Variants in C8orf88 observed in about 807,000 individuals in gnomAD.
C8orf88 encodes the protein uncharacterized protein C8orf88.
A neutral mutation model predicts 18.4 loss-of-function variants in C8orf88; 14 were observed. That is an observed-to-expected ratio of 0.76 (90% confidence interval 0.50 to 1.19). C8orf88 has a LOEUF of 1.19. Ranked by LOEUF, C8orf88 falls within the 50% of genes most tolerant of loss-of-function variation. The pLI is 0.00. For missense variants in C8orf88, 116 were observed against 134.7 expected (o/e 0.86, Z 0.69); for synonymous variants, 45 against 42.9 (o/e 1.05, Z -0.19).
At chr8:90,976,558 A>G (rs1381035799) in intron 3 of C8orf88, among the ~76,000 whole-genome samples, 1 of 152,126 alleles carries the variant, frequency 6.6e-6, no homozygotes. Context: ...TATGACTTAT[A>G]GAAAACTCAT....
At chr8:90,960,396 TAG>T (rs1459200461) in intron 5 of C8orf88, among the ~76,000 whole-genome samples, 1 of 151,406 alleles carries the variant, frequency 6.6e-6, no homozygotes, top group Non-Finnish European at 1.5e-5. Context: ...GATATCTATG[TAG>T]AAAAAGGTAA....
chr8:90,979,533 T>C (rs565936473), intron 2 of C8orf88, among the ~76,000 whole-genome samples: 14 of 152,326 alleles, frequency 9.2e-5, no homozygotes, highest in South Asian at 4.1e-4. Context: ...ATCATCTTCC[T>C]TGAAGGATCC....
intron 1 of C8orf88, among the ~76,000 whole-genome samples, chr8:90,981,014 C>A (rs1445574226): frequency 6.6e-6 from 1 of 152,156 alleles, no homozygotes; most frequent in East Asian, 1.9e-4. Flanking sequence ...TTAGCTAAAA[C>A]TCATCTATGC....
intron 4 of C8orf88, among the ~76,000 whole-genome samples, chr8:90,968,376 C>G (rs1811234132): frequency 6.6e-6 from 1 of 151,448 alleles, no homozygotes; most frequent in Non-Finnish European, 1.5e-5. Context: ...TGGATACCCA[C>G]ATGACAAACA....
At chr8:90,978,465 G>T in intron 3 of C8orf88, 114 bp downstream of exon 3, 1 of 476,388 alleles carries the variant, frequency 2.1e-6, no homozygotes, top group Non-Finnish European at 3.5e-6. Context: ...TTTAACATAT[G>T]TACATAAATT....
At chr8:90,962,715 A>C (rs1811146681) in intron 4 of C8orf88, among the ~76,000 whole-genome samples, 1 of 151,578 alleles carries the variant, frequency 6.6e-6, no homozygotes, top group African/African-American at 2.4e-5. Flanking sequence ...CCTTTCTTAT[A>C]GTTCCCTGAG....
chr8:90,968,103 C>G (rs1433247245), intron 4 of C8orf88, among the ~76,000 whole-genome samples: 1 of 151,530 alleles, frequency 6.6e-6, no homozygotes. Context: ...TGCAAAGACC[C>G]CTAAACAGCC....
intron 5 of C8orf88, among the ~76,000 whole-genome samples, chr8:90,960,340 A>C (rs1811107569): frequency 6.6e-6 from 1 of 151,500 alleles, no homozygotes; most frequent in Non-Finnish European, 1.5e-5. Context: ...ATTGCCACAA[A>C]GATGTCAGAG....
intron 3 of C8orf88, among the ~76,000 whole-genome samples, chr8:90,975,840 T>G (rs1424999932): frequency 6.6e-6 from 1 of 151,952 alleles, no homozygotes; most frequent in Admixed American, 6.6e-5. Context: ...GTAGCATTAT[T>G]TATAATATCT....
At chr8:90,963,874 G>A (rs1241900181) in intron 4 of C8orf88, among the ~76,000 whole-genome samples, 1 of 151,226 alleles carries the variant, frequency 6.6e-6, no homozygotes, top group Non-Finnish European at 1.5e-5. Context: ...GGAGAAGAGA[G>A]AGAAAAAGGA....
At chr8:90,964,891 C>A (rs117456583) in intron 4 of C8orf88, among the ~76,000 whole-genome samples, 2,487 of 150,740 alleles carry the variant, frequency 0.016, 35 homozygotes, top group Middle Eastern at 0.032. Context: ...TATAGTAAAG[C>A]AAACTAAAAG....
Position 90,958,786 on chromosome 8 carries a change from C to A in C8orf88, c.*221G>T. ...CTTCACTAACCAAATTCCTACTTTC[C>A]AGTGTTACTTCCCAATTTATGCAGG... is the stretch of plus-strand genomic sequence containing the variant. On this transcript the variant is annotated 3_prime_UTR_variant, in exon 6 of 6. Coordinates refer to ENST00000517562, the MANE Select transcript of C8orf88 (RefSeq NM_001190972.2). The A allele has an allele frequency of 2.5e-6, 1 of 398,482 alleles. No homozygotes were observed. Among genetic ancestry groups the A allele is most frequent in the Non-Finnish European group, 4.5e-6 (1 of 224,244 alleles). The allele number at this position is 398,482 out of a possible 1,614,324, so 24.7% of individuals were successfully genotyped here. A position where few individuals can be genotyped will look rare whatever the true frequency, so the allele number is the denominator to read the frequency against.
chr8:90,963,380 T>C (rs1052420786), intron 4 of C8orf88, among the ~76,000 whole-genome samples: 3 of 151,712 alleles, frequency 2.0e-5, no homozygotes, highest in African/African-American at 7.2e-5. Flanking sequence ...GCCACATTTA[T>C]AACATTCAAA....
At chr8:90,966,909 T>C (rs1336393193) in intron 4 of C8orf88, among the ~76,000 whole-genome samples, 4 of 151,970 alleles carry the variant, frequency 2.6e-5, no homozygotes, top group African/African-American at 7.2e-5. Flanking sequence ...TGAACAGATA[T>C]TGTTTTTGAA....
At chr8:90,976,606 T>C (rs1811355162) in intron 3 of C8orf88, among the ~76,000 whole-genome samples, 1 of 151,998 alleles carries the variant, frequency 6.6e-6, no homozygotes, top group Non-Finnish European at 1.5e-5. Context: ...TGATATTGAT[T>C]ATACAGAGAT....
intron 3 of C8orf88, among the ~76,000 whole-genome samples, chr8:90,974,362 T>C (rs1311446142): frequency 6.6e-6 from 1 of 152,178 alleles, no homozygotes; most frequent in Non-Finnish European, 1.5e-5. Context: ...AGGCCATTTG[T>C]AGGTGCTCAT....
At chr8:90,967,307 TAAA>T (rs1356572565) in intron 4 of C8orf88, among the ~76,000 whole-genome samples, 1 of 151,904 alleles carries the variant, frequency 6.6e-6, no homozygotes, top group Admixed American at 6.6e-5. Context: ...ATGTTGATAA[TAAA>T]AAGTTGTTAG....
At chr8:90,962,564 G>T (rs1331844286) in intron 4 of C8orf88, among the ~76,000 whole-genome samples, 1 of 151,602 alleles carries the variant, frequency 6.6e-6, no homozygotes, top group African/African-American at 2.4e-5. Context: ...GAAAAATTTT[G>T]TGGCATTTAA....
At chr8:90,983,704 T>C (rs1332727811) in intron 1 of C8orf88, among the ~76,000 whole-genome samples, 1 of 152,128 alleles carries the variant, frequency 6.6e-6, no homozygotes, top group Non-Finnish European at 1.5e-5. Flanking sequence ...AAATTATTAT[T>C]AGTCCCACTT....
Sources: allele counts gnomAD v4.1 joint callset (sites outside exome capture counted in the v4.1 genomes callset), GRCh38; gene constraint gnomAD v4.1.1; transcripts MANE v1.5; gene names NCBI Gene and HGNC (gene_info 2026-07-23, HGNC 2026-07-21).